The following PCDH7 variants were observed in gnomAD, a reference collection of about 807,000 sequenced individuals.
The protein encoded by PCDH7 is protocadherin 7.
PCDH7 carries 17 observed loss-of-function variants against 58.9 expected under a neutral mutation model. The observed-to-expected ratio is 0.29, with a 90% confidence interval of 0.20 to 0.43. The LOEUF (loss-of-function observed/expected upper bound fraction) is 0.43. Among genes scored for constraint, PCDH7 ranks in the 20% least tolerant of loss-of-function variants. The pLI is 1.00. For synonymous variants in PCDH7, 664 were observed against 616.4 expected (o/e 1.08, Z -1.14); for missense variants, 1,274 against 1,441.0 (o/e 0.88, Z 1.88).
intron 1 of PCDH7, among the ~76,000 whole-genome samples, chr4:30,864,310 A>G (rs1394246471): frequency 6.6e-6 from 1 of 152,010 alleles, no homozygotes; most frequent in African/African-American, 2.4e-5. Flanking sequence ...CATAATAGCA[A>G]TATTAATTGT....
chr4:30,846,068 A>G (rs1731906121), intron 1 of PCDH7, among the ~76,000 whole-genome samples: 1 of 152,158 alleles, frequency 6.6e-6, no homozygotes, highest in Admixed American at 6.5e-5. Context: ...TACACTATTT[A>G]TCCATACATT....
chr4:30,839,548 A>G (rs1730947882), intron 1 of PCDH7, among the ~76,000 whole-genome samples: 1 of 152,124 alleles, frequency 6.6e-6, no homozygotes, highest in African/African-American at 2.4e-5. Context: ...TTTTTGCCAT[A>G]GAACCTGTGA....
At chr4:30,724,209 C>T in exon 1 of PCDH7, 2 of 1,613,870 alleles carry the variant, frequency 1.2e-6, no homozygotes, top group Non-Finnish European at 1.7e-6. Context: ...AACAGCATGA[C>T]AAATCTAAAA....
At chr4:31,041,797 AT>A (rs1235551002) in intron 3 of PCDH7, among the ~76,000 whole-genome samples, 8 of 150,316 alleles carry the variant, frequency 5.3e-5, no homozygotes, top group Admixed American at 2.6e-4. Flanking sequence ...GGCTTGGGCT[AT>A]TTTTTAAAAA....
chr4:30,786,677 C>A, intron 1 of PCDH7: 2 of 733,776 alleles, frequency 2.7e-6, no homozygotes, highest in Non-Finnish European at 3.3e-6. Context: ...GCTGGCAAAA[C>A]CCTACTCACA....
chr4:31,101,593 A>G (rs2109300877), intron 3 of PCDH7, among the ~76,000 whole-genome samples: 1 of 152,064 alleles, frequency 6.6e-6, no homozygotes, highest in Non-Finnish European at 1.5e-5. Context: ...AAAACCTACT[A>G]CTCTCTGTTG....
In PCDH7 at chr4:30,959,868, G is replaced by A. The variant is rs144097703; in HGVS notation, c.*7+9653G>A. Among the ~76,000 whole-genome samples the A allele has an allele frequency of 1.4e-4, 21 of 151,922 alleles. No homozygotes were observed. In the East Asian group the frequency reaches 2.7e-3, roughly 20 times the overall value. On this transcript the variant is annotated intron_variant, in intron 3 of 3. Transcript: ENST00000509759. Reference sequence around the variant, plus strand: ...TAATTGAGAGCTTCCATTTTATTTAGCACAAGTCCTAAATGAAAGAGGATA... The same window carrying A: ...TAATTGAGAGCTTCCATTTTATTTAACACAAGTCCTAAATGAAAGAGGATA...
chr4:30,898,705 G>A (rs6813421), intron 1 of PCDH7, among the ~76,000 whole-genome samples: 20,441 of 152,076 alleles, frequency 0.13, 1,573 homozygotes, highest in African/African-American at 0.2. Context: ...AGTGTCCTGC[G>A]TGAGCCTCCC....
intron 1 of PCDH7, among the ~76,000 whole-genome samples, chr4:30,912,254 T>A (rs1021939891): frequency 6.6e-6 from 1 of 152,180 alleles, no homozygotes; most frequent in African/African-American, 2.4e-5. Context: ...CTGCCAGATA[T>A]AGTCCAACTA....
At chr4:31,097,472 G>A (rs1714162237) in intron 3 of PCDH7, among the ~76,000 whole-genome samples, 1 of 137,302 alleles carries the variant, frequency 7.3e-6, no homozygotes. Context: ...AAGAAAGGAA[G>A]AAAGAAAGGA....
intron 2 of PCDH7, among the ~76,000 whole-genome samples, chr4:30,938,845 A>T (rs1016176560): frequency 6.6e-6 from 1 of 152,188 alleles, no homozygotes; most frequent in East Asian, 1.9e-4. Flanking sequence ...TAAGTAAAAT[A>T]CTGACAGAGA....
chr4:31,120,998 G>A (rs1252162600), intron 3 of PCDH7, among the ~76,000 whole-genome samples: 1 of 152,124 alleles, frequency 6.6e-6, no homozygotes, highest in Admixed American at 6.6e-5. Context: ...CTTTTTGTGT[G>A]CCCAAAGCTA....
rs562518321 is a variant in PCDH7 at position 30,919,003 on chromosome 4, A to G, written c.71-1150A>G. On this transcript the variant is annotated intron_variant, in intron 1 of 3. Coordinates refer to the PCDH7 transcript ENST00000509759. ...GTCCAGGTCGTAATTAGTAATTTGT[A>G]TCATGAACATTCAAGTTATAAAGGT... is the stretch of plus-strand genomic sequence containing the variant. Among the ~76,000 whole-genome samples, 8 of 152,292 alleles carry G rather than the reference A, an allele frequency of 5.3e-5. No individual in the cohort carries two copies. The South Asian group carries it at 1.4e-3, about 28-fold the overall frequency.
intron 3 of PCDH7, among the ~76,000 whole-genome samples, chr4:31,077,514 C>T (rs1218653420): frequency 2.0e-5 from 3 of 151,986 alleles, no homozygotes; most frequent in Non-Finnish European, 2.9e-5. Flanking sequence ...TGATGCATTT[C>T]GGATACTGAA....
intron 3 of PCDH7, among the ~76,000 whole-genome samples, chr4:31,067,527 C>T (rs1484995478): frequency 3.3e-5 from 5 of 151,700 alleles, no homozygotes; most frequent in African/African-American, 7.3e-5. Flanking sequence ...AATAGGTGAT[C>T]GTACTTAGCA....
intron 3 of PCDH7, among the ~76,000 whole-genome samples, chr4:31,132,451 A>G (rs1038904838): frequency 1.1e-4 from 16 of 152,228 alleles, no homozygotes; most frequent in African/African-American, 3.8e-4. Flanking sequence ...ATTAATATTT[A>G]TCATAGAATA....
chr4:31,039,082 A>C (rs1053641284), intron 3 of PCDH7, among the ~76,000 whole-genome samples: 4 of 152,164 alleles, frequency 2.6e-5, no homozygotes, highest in Non-Finnish European at 5.9e-5. Context: ...CAATGAAATA[A>C]TTTCTGTAAG....
In PCDH7 at chr4:30,816,258, C is replaced by T. The variant is rs866654709; in HGVS notation, c.70+91662C>T. Among the ~76,000 whole-genome samples, 5 of 152,074 alleles carry T rather than the reference C, an allele frequency of 3.3e-5. No individual in the cohort carries two copies. In the South Asian group the frequency reaches 1.0e-3, roughly 32 times the overall value. ...AGAAATTCAAATGATGTCATGTTCT[C>T]TCTTGAGTTTTTGTATAATGCTGCT... On this transcript the variant is annotated intron_variant, in intron 1 of 3. Coordinates refer to the PCDH7 transcript ENST00000509759.
At chr4:30,902,185 T>C (rs1389390268) in intron 1 of PCDH7, among the ~76,000 whole-genome samples, 1 of 152,210 alleles carries the variant, frequency 6.6e-6, no homozygotes, top group Non-Finnish European at 1.5e-5. Context: ...TTTCGTTATG[T>C]TCTGGGAAAT....
Sources: gnomAD v4.1 joint callset for allele counts (sites outside exome capture counted in the v4.1 genomes callset) on GRCh38, gnomAD v4.1.1 for gene constraint, MANE v1.5 for transcripts, NCBI Gene and HGNC (gene_info 2026-07-23, HGNC 2026-07-21) for gene names.